EXOC6B: variants seen among roughly 807,000 people sequenced by gnomAD.
EXOC6B encodes SEC15 homolog B.
A neutral mutation model predicts 113.5 loss-of-function variants in EXOC6B; 54 were observed. That is an observed-to-expected ratio of 0.48 (90% CI 0.38 to 0.60). The LOEUF (loss-of-function observed/expected upper bound fraction) is 0.60, where lower values mean the gene tolerates loss of function less well. EXOC6B is among the 20% of genes least tolerant of loss of function. The pLI, the probability that EXOC6B is intolerant of heterozygous loss-of-function variation, is 0.00. For synonymous variants in EXOC6B, 357 were observed against 339.0 expected (o/e 1.05, Z -0.58); for missense variants, 797 against 977.5 (o/e 0.82, Z 2.46).
In EXOC6B at chr2:72,496,439, T is replaced by C; in HGVS notation, c.1443+15A>G. The stretch of plus-strand genomic sequence containing the variant: ...CCAAAACAACCAGAGAAATTTATTT[T>C]AAAGTATTCCTTACCTTTTCCAGTT... On this transcript the variant is annotated intron_variant, in intron 14 of 21. Transcript: ENST00000272427. 1 of 1,495,702 alleles carries C rather than the reference T, an allele frequency of 6.7e-7. No homozygotes were observed. The allele number at this position is 1,495,702 out of a possible 1,614,324, so 92.7% of individuals were successfully genotyped here.
At chr2:72,199,804 A>G (rs2104327339) in intron 20 of EXOC6B, among the ~76,000 whole-genome samples, 1 of 152,206 alleles carries the variant, frequency 6.6e-6, no homozygotes, top group Non-Finnish European at 1.5e-5. Context: ...TTTGTTCCAT[A>G]TTATCTGTCT....
Position 72,634,258 on chromosome 2 carries a change from G to A in EXOC6B, c.670-58590C>T, listed in dbSNP as rs541721815. The stretch of plus-strand genomic sequence containing the variant: ...TTTGTACAATCCTAGTGCTAAAAAT[G>A]TTTTTTACATTTTGTAAGAGCTGTA... On this transcript the variant is annotated intron_variant, in intron 6 of 21. Coordinates refer to ENST00000272427, the MANE Select transcript of EXOC6B (RefSeq NM_015189.3). Among the ~76,000 whole-genome samples the A allele has an allele frequency of 2.0e-5, 3 of 152,232 alleles. No homozygotes were observed. The South Asian group carries it at 6.2e-4, about 32-fold the overall frequency.
chr2:72,210,650 A>G (rs1553465876), intron 20 of EXOC6B, among the ~76,000 whole-genome samples: 1 of 152,248 alleles, frequency 6.6e-6, no homozygotes, highest in Non-Finnish European at 1.5e-5. Context: ...GTTTTCTGGC[A>G]GCTATCCCAA....
intron 18 of EXOC6B, among the ~76,000 whole-genome samples, chr2:72,383,225 A>T (rs1166726795): frequency 6.6e-6 from 1 of 152,210 alleles, no homozygotes; most frequent in African/African-American, 2.4e-5. Context: ...AATGGAAGAA[A>T]GTATTTACAG....
chr2:72,718,802 C>T (rs1168563289), intron 5 of EXOC6B, among the ~76,000 whole-genome samples: 1 of 152,106 alleles, frequency 6.6e-6, no homozygotes, highest in Non-Finnish European at 1.5e-5. Context: ...GCCAAGATCA[C>T]GCCAGTGCAC....
intron 20 of EXOC6B, among the ~76,000 whole-genome samples, chr2:72,233,556 GCTT>G (rs1681764861): frequency 6.6e-6 from 1 of 152,170 alleles, no homozygotes; most frequent in South Asian, 2.1e-4. Flanking sequence ...CCCCCACTGT[GCTT>G]CTAGACTGAG....
chr2:72,192,971 G>A (rs1450199858), intron 20 of EXOC6B, among the ~76,000 whole-genome samples: 4 of 152,128 alleles, frequency 2.6e-5, no homozygotes, highest in Non-Finnish European at 5.9e-5. Flanking sequence ...TTCAGAGCAT[G>A]GCCACTGTAT....
chr2:72,690,732 T>C (rs1158191062), intron 6 of EXOC6B, among the ~76,000 whole-genome samples: 2 of 152,186 alleles, frequency 1.3e-5, no homozygotes, highest in Non-Finnish European at 2.9e-5. Flanking sequence ...TACTTGGGGC[T>C]CATTTCCACA....
At chr2:72,538,746 A>G (rs551137697) in intron 8 of EXOC6B, among the ~76,000 whole-genome samples, 35 of 152,366 alleles carry the variant, frequency 2.3e-4, no homozygotes, top group African/African-American at 8.2e-4. Context: ...TAAATGAATG[A>G]ACAAAGTAAA....
intron 6 of EXOC6B, among the ~76,000 whole-genome samples, chr2:72,663,889 A>T (rs968125173): frequency 1.2e-4 from 19 of 152,190 alleles, no homozygotes; most frequent in African/African-American, 4.3e-4. Context: ...CATCAATTAT[A>T]AAAAAAAGTA....
chr2:72,586,474 C>T (rs909542616), intron 6 of EXOC6B, among the ~76,000 whole-genome samples: 1 of 152,090 alleles, frequency 6.6e-6, no homozygotes, highest in Non-Finnish European at 1.5e-5. Context: ...CAAACTTGGC[C>T]AGGCGCGGTG....
chr2:72,738,839 G>C (rs1681127940), intron 2 of EXOC6B, among the ~76,000 whole-genome samples: 1 of 152,134 alleles, frequency 6.6e-6, no homozygotes, highest in Non-Finnish European at 1.5e-5. Flanking sequence ...GGCCAGACAT[G>C]GTGGTACACA....
intron 11 of EXOC6B, among the ~76,000 whole-genome samples, chr2:72,509,453 T>G (rs79459151): frequency 1.5e-3 from 221 of 152,278 alleles, no homozygotes; most frequent in Middle Eastern, 6.8e-3. Context: ...TAAAATAAAT[T>G]TTTTATGGTT....
At chr2:72,706,561 G>T (rs1678894379) in intron 6 of EXOC6B, among the ~76,000 whole-genome samples, 2 of 152,030 alleles carry the variant, frequency 1.3e-5, no homozygotes, top group Admixed American at 1.3e-4. Flanking sequence ...TTTTTTTAGA[G>T]ACAGGGTCTC....
intron 8 of EXOC6B, among the ~76,000 whole-genome samples, chr2:72,528,414 A>C (rs1279502130): frequency 6.6e-6 from 1 of 152,082 alleles, no homozygotes; most frequent in African/African-American, 2.4e-5. Flanking sequence ...AGACTCTGCC[A>C]ATACCATGCC....
intron 1 of EXOC6B, among the ~76,000 whole-genome samples, chr2:72,797,749 G>T (rs1210708318): frequency 1.3e-5 from 2 of 152,104 alleles, no homozygotes; most frequent in Non-Finnish European, 2.9e-5. Flanking sequence ...GGGAGGCGGA[G>T]GTTGTAAGCT....
intron 20 of EXOC6B, among the ~76,000 whole-genome samples, chr2:72,273,139 C>G (rs62147637): frequency 0.036 from 5,519 of 152,158 alleles, 128 homozygotes; most frequent in Non-Finnish European, 0.051. Flanking sequence ...AGATACATTT[C>G]AAGGTATTGA....
At chr2:72,667,529 A>G (rs921891678) in intron 6 of EXOC6B, among the ~76,000 whole-genome samples, 1 of 152,212 alleles carries the variant, frequency 6.6e-6, no homozygotes, top group African/African-American at 2.4e-5. Flanking sequence ...AAACAGACAC[A>G]CAGACTAAGA....
chr2:72,421,627 C>T (rs1694870368), intron 18 of EXOC6B, among the ~76,000 whole-genome samples: 2 of 152,342 alleles, frequency 1.3e-5, no homozygotes, highest in South Asian at 4.1e-4. Flanking sequence ...CATAAATGTT[C>T]TAATATTTTT....
Sources: gnomAD v4.1 joint callset for allele counts (sites outside exome capture counted in the v4.1 genomes callset) on GRCh38, gnomAD v4.1.1 for gene constraint, MANE v1.5 for transcripts, NCBI Gene and HGNC (gene_info 2026-07-23, HGNC 2026-07-21) for gene names.